The following DYNC1I1 variants were observed in gnomAD, a reference collection of about 807,000 sequenced individuals.
The protein encoded by DYNC1I1 is dynein cytoplasmic 1 intermediate chain 1.
Under a neutral mutation model 86.6 loss-of-function variants are expected in DYNC1I1, and 43 were observed. That is an observed-to-expected ratio of 0.50 (90% CI 0.39 to 0.64). The LOEUF (loss-of-function observed/expected upper bound fraction) is 0.64, where lower values mean the gene tolerates loss of function less well. Among genes scored for constraint, DYNC1I1 ranks in the 30% least tolerant of loss-of-function variants. The probability of loss-of-function intolerance (pLI) is 0.00; values close to 1 mark genes in which losing one functional copy is unlikely to be tolerated. For missense variants in DYNC1I1, 604 were observed against 788.8 expected (o/e 0.77, Z 2.81); for synonymous variants, 262 against 283.7 (o/e 0.92, Z 0.77).
At chr7:95,992,994 A>C (rs1371898255) in intron 9 of DYNC1I1, among the ~76,000 whole-genome samples, 23 of 152,176 alleles carry the variant, frequency 1.5e-4, no homozygotes, top group Admixed American at 1.5e-3. Flanking sequence ...AAATTCTCCT[A>C]GGGTAAGTAT....
chr7:96,006,929 A>C (rs1049053994), intron 10 of DYNC1I1, among the ~76,000 whole-genome samples: 1 of 152,194 alleles, frequency 6.6e-6, no homozygotes, highest in African/African-American at 2.4e-5. Context: ...CTCTAAACTG[A>C]TACTACTGTG....
intron 6 of DYNC1I1, among the ~76,000 whole-genome samples, chr7:95,880,984 A>G (rs990893018): frequency 6.6e-5 from 10 of 152,012 alleles, no homozygotes; most frequent in African/African-American, 2.4e-4. Flanking sequence ...TCTTTCCCTA[A>G]TTTCTCATTT....
rs181084802 is a variant in DYNC1I1 at position 96,016,910 on chromosome 7, G to C, written c.970-11265G>C. 9.8e-5 allele frequency among the ~76,000 whole-genome samples: 15 copies of C among 152,298 alleles called. No individual in the cohort carries two copies. The East Asian group carries it at 2.1e-3, about 22-fold the overall frequency. On this transcript the variant is annotated intron_variant, in intron 10 of 16. Coordinates refer to ENST00000447467, the MANE Select transcript of DYNC1I1 (RefSeq NM_001135556.2). ...CAGCAGTCTCAGCTCTGAATTTAGA[G>C]AAGTCGTGTGGCTGACTCCCTTAGT... is the stretch of plus-strand genomic sequence containing the variant.
rs773664678 is a variant in DYNC1I1, at chr7:96,080,377, T to C, written c.1665T>C (p.Ser555=). The C allele has an allele frequency of 6.2e-7, 1 of 1,609,176 alleles. No homozygotes were observed. The highest frequency in any genetic ancestry group is 2.2e-5 in the East Asian group (1 of 44,840). ...LNNDTEVPTA[S]VAIEGASALN... is the part of the protein sequence containing the mutation. ...CCCTTTGGCAGGTTCCAACAGCAAG[T>C]GTGGCCATTGAGGGGGCATCCGCCC... The change falls in exon 16 of 17, where the codon AGT becomes AGC. Residue 555 remains serine, a synonymous_variant. Coordinates refer to ENST00000447467, the MANE Select transcript of DYNC1I1 (RefSeq NM_001135556.2).
intron 5 of DYNC1I1, among the ~76,000 whole-genome samples, chr7:95,840,263 CT>C (rs144555317): frequency 3.3e-5 from 5 of 150,936 alleles, no homozygotes; most frequent in South Asian, 4.2e-4. Flanking sequence ...GTTTTTTATT[CT>C]TTTTTTTTCC....
chr7:96,017,720 T>A (rs1794437295), intron 10 of DYNC1I1, among the ~76,000 whole-genome samples: 1 of 152,216 alleles, frequency 6.6e-6, no homozygotes, highest in South Asian at 2.1e-4. Context: ...CCTATTCACT[T>A]TTCATAATAA....
intron 6 of DYNC1I1, among the ~76,000 whole-genome samples, chr7:95,877,538 C>G (rs1790342239): frequency 6.6e-6 from 1 of 152,204 alleles, no homozygotes. Context: ...AATCAGAGAG[C>G]TCAGAATGTC....
chr7:95,895,654 G>T (rs1044088876), intron 6 of DYNC1I1, among the ~76,000 whole-genome samples: 5 of 152,070 alleles, frequency 3.3e-5, no homozygotes, highest in Non-Finnish European at 7.4e-5. Context: ...ATTCGAATTT[G>T]CTTTTTGTCT....
Position 95,970,719 on chromosome 7 carries a change from C to G in DYNC1I1, c.491-6793C>G, listed in dbSNP as rs79634801. On this transcript the variant is annotated intron_variant, in intron 6 of 16. Coordinates refer to ENST00000447467, the MANE Select transcript of DYNC1I1 (RefSeq NM_001135556.2). Reference sequence around the variant, plus strand: ...TCTCCTGTTTTCATATTACCAGTCTCTGTACTTAACGTTGATAATATTAAG... The same window carrying G: ...TCTCCTGTTTTCATATTACCAGTCTGTGTACTTAACGTTGATAATATTAAG... 5.2e-3 allele frequency among the ~76,000 whole-genome samples: 791 copies of G among 152,268 alleles called. 9 individuals are homozygous for G. Among genetic ancestry groups the G allele is most frequent in the African/African-American group, 0.017 (705 of 41,544 alleles).
Position 95,933,318 on chromosome 7 carries a change from C to T in DYNC1I1, c.491-44194C>T, listed in dbSNP as rs562198862. On this transcript the variant is annotated intron_variant, in intron 6 of 16. Transcript: ENST00000447467. ...CAGCAAAGAAGAGTCCAAATGAATC[C>T]ACAGCCGGTTTGAGATTCTCATTCC... Among the ~76,000 whole-genome samples, 5 of 152,258 alleles carry T rather than the reference C, an allele frequency of 3.3e-5. No homozygotes were observed. In the South Asian group the frequency reaches 1.0e-3, roughly 32 times the overall value.
At chr7:95,937,438 T>C (rs1792076870) in intron 6 of DYNC1I1, among the ~76,000 whole-genome samples, 1 of 151,986 alleles carries the variant, frequency 6.6e-6, no homozygotes, top group African/African-American at 2.4e-5. Flanking sequence ...ATACCTCAAA[T>C]ATGTACAATT....
chr7:96,002,509 G>A (rs1185444986), intron 10 of DYNC1I1, among the ~76,000 whole-genome samples: 2 of 152,182 alleles, frequency 1.3e-5, no homozygotes, highest in East Asian at 3.9e-4. Context: ...TGGTTGTTAT[G>A]AAACTATAAT....
At chr7:95,774,014 A>G (rs946044972) in intron 1 of DYNC1I1, among the ~76,000 whole-genome samples, 3 of 152,172 alleles carry the variant, frequency 2.0e-5, no homozygotes, top group Admixed American at 6.5e-5. Flanking sequence ...GTGTGGAAAA[A>G]GGGGTCCTAA....
intron 4 of DYNC1I1, among the ~76,000 whole-genome samples, chr7:95,827,568 T>C (rs1480033298): frequency 6.6e-6 from 1 of 152,196 alleles, no homozygotes; most frequent in Non-Finnish European, 1.5e-5. Context: ...TAATGCATTA[T>C]ATTTGTAGTA....
At chr7:95,971,541 C>T (rs1450492510) in intron 6 of DYNC1I1, among the ~76,000 whole-genome samples, 1 of 152,094 alleles carries the variant, frequency 6.6e-6, no homozygotes, top group Non-Finnish European at 1.5e-5. Flanking sequence ...TATATCTCTC[C>T]AAGTCTATTC....
At chr7:96,021,043 G>T (rs1794536772) in intron 10 of DYNC1I1, among the ~76,000 whole-genome samples, 1 of 152,106 alleles carries the variant, frequency 6.6e-6, no homozygotes, top group Non-Finnish European at 1.5e-5. Flanking sequence ...GTGTTTAACG[G>T]GTACCAAGTT....
intron 6 of DYNC1I1, among the ~76,000 whole-genome samples, chr7:95,887,713 T>C (rs1020124550): frequency 3.3e-5 from 5 of 152,280 alleles, no homozygotes; most frequent in Middle Eastern, 6.8e-3. Context: ...GTTAATATCC[T>C]CCATTTCTGA....
intron 6 of DYNC1I1, among the ~76,000 whole-genome samples, chr7:95,894,661 G>T (rs1790831290): frequency 6.6e-6 from 1 of 152,078 alleles, no homozygotes; most frequent in Admixed American, 6.6e-5. Context: ...AATTAAAATA[G>T]GAACCATTAC....
chr7:95,795,089 C>T (rs1421901058), intron 1 of DYNC1I1, among the ~76,000 whole-genome samples: 1 of 152,192 alleles, frequency 6.6e-6, no homozygotes, highest in Admixed American at 6.5e-5. Flanking sequence ...GGTGTCAGCT[C>T]TCTCATGCAA....
Sources: allele counts gnomAD v4.1 joint callset (sites outside exome capture counted in the v4.1 genomes callset), GRCh38; gene constraint gnomAD v4.1.1; transcripts MANE v1.5; gene names NCBI Gene and HGNC (gene_info 2026-07-23, HGNC 2026-07-21).